The following CRYBG3 variants were observed in gnomAD, a reference collection of about 807,000 sequenced individuals.
CRYBG3 encodes very large A-kinase anchor protein.
Under a neutral mutation model 244.2 loss-of-function variants are expected in CRYBG3, and 127 were observed. That is an observed-to-expected ratio of 0.52 (90% CI 0.45 to 0.60). CRYBG3 has a LOEUF of 0.60. Among genes scored for constraint, CRYBG3 ranks in the 20% least tolerant of loss-of-function variants. The pLI, the probability that CRYBG3 is intolerant of heterozygous loss-of-function variation, is 0.00. For synonymous variants in CRYBG3, 1,132 were observed against 1,195.8 expected, an observed-to-expected ratio of 0.95 and a Z score of 1.10; for missense variants, 3,325 against 3,442.5, an observed-to-expected ratio of 0.97 and a Z score of 0.85.
chr3:97,912,007 C>T (rs1206496957), intron 15 of CRYBG3, among the ~76,000 whole-genome samples, 160 bp from the exon 16 acceptor site: 1 of 152,114 alleles, frequency 6.6e-6, no homozygotes, highest in African/African-American at 2.4e-5. Context: ...GTTTAAGGAG[C>T]ATATCATTAT....
intron 2 of CRYBG3, among the ~76,000 whole-genome samples, chr3:97,861,210 CTG>C (rs2039142411): frequency 6.6e-6 from 1 of 152,138 alleles, no homozygotes; most frequent in Non-Finnish European, 1.5e-5. Flanking sequence ...TTTCAAACTT[CTG>C]TGTCTTTGTG....
intron 17 of CRYBG3, among the ~76,000 whole-genome samples, chr3:97,917,245 C>T (rs2039938227): frequency 6.6e-6 from 1 of 151,768 alleles, no homozygotes. Flanking sequence ...TGAAAATAAA[C>T]AGAGATGTTT....
intron 2 of CRYBG3, among the ~76,000 whole-genome samples, chr3:97,848,448 C>T (rs1320666753): frequency 2.0e-5 from 3 of 151,854 alleles, no homozygotes; most frequent in South Asian, 2.1e-4. Flanking sequence ...ACTACAGGCA[C>T]GTGCCACCAC....
Position 97,874,665 on chromosome 3 carries a change from T to A in CRYBG3, c.3471T>A (p.Val1157=). 1 of 1,535,982 alleles carries A rather than the reference T, an allele frequency of 6.5e-7. No homozygotes were observed. ...DNLVEAETGA[V]AGPAASVNSS... is the part of the protein sequence containing the mutation. ...TCGTGGAAGCAGAGACTGGAGCAGT[T>A]GCTGGGCCTGCAGCGTCAGTTAACA... Residue 1157 remains valine (V), a synonymous_variant, in exon 4 of 22, where the codon GTT becomes GTA. Transcript: ENST00000389622.
intron 3 of CRYBG3, among the ~76,000 whole-genome samples, chr3:97,866,171 A>G (rs2039228498): frequency 6.6e-6 from 1 of 152,168 alleles, no homozygotes; most frequent in African/African-American, 2.4e-5. Flanking sequence ...AAATGATAAT[A>G]CCCTGAGTGA....
chr3:97,907,503 A>G (rs1168595741), intron 15 of CRYBG3, among the ~76,000 whole-genome samples: 2 of 149,686 alleles, frequency 1.3e-5, no homozygotes, highest in African/African-American at 4.9e-5. Flanking sequence ...GAATTTATCC[A>G]TTTCTTCTAG....
intron 1 of CRYBG3, among the ~76,000 whole-genome samples, chr3:97,838,775 T>C (rs2038771493): frequency 6.6e-6 from 1 of 152,152 alleles, no homozygotes; most frequent in South Asian, 2.1e-4. Flanking sequence ...ATAATATCTC[T>C]TAAGTGACAG....
chr3:97,836,229 C>T (rs1282236920), intron 1 of CRYBG3, among the ~76,000 whole-genome samples: 1 of 152,074 alleles, frequency 6.6e-6, no homozygotes, highest in African/African-American at 2.4e-5. Context: ...CTCTCTCCTC[C>T]TGATTTTTCT....
intron 17 of CRYBG3, among the ~76,000 whole-genome samples, chr3:97,924,589 G>A (rs1402369998): frequency 6.6e-6 from 1 of 152,024 alleles, no homozygotes; most frequent in Non-Finnish European, 1.5e-5. Flanking sequence ...CTCTAGGGGA[G>A]AACCCATTTC....
Position 97,872,195 on chromosome 3 carries a change from A to G in CRYBG3, c.1001A>G (p.Asn334Ser). 1 of 1,535,812 alleles carries G rather than the reference A, an allele frequency of 6.5e-7. No homozygotes were observed. Residue 334 changes from asparagine (N) to serine (S), a missense_variant, in exon 4 of 22, where the codon AAT (asparagine) becomes AGT (serine). Asn to Ser is a conservative substitution (Grantham distance 46, BLOSUM62 1). Around this residue, in one of 4 missense-constraint regions of CRYBG3, gnomAD observed 1,526 missense variants for 1,443.2 expected, o/e 1.06. Transcript: ENST00000389622. ...ATTGCCTCTTCCAATAATCTTTTAA[A>G]TAAAAATGCTTGGGGGAGTATTGAG... ...QNIASSNNLL[N>S]KNAWGSIERN...
At chr3:97,828,703 C>G (rs1465024320) in intron 1 of CRYBG3, among the ~76,000 whole-genome samples, 3 of 151,648 alleles carry the variant, frequency 2.0e-5, no homozygotes, top group Non-Finnish European at 4.4e-5. Flanking sequence ...TGGTGCTTGC[C>G]TGTAATCCCA....
In CRYBG3 at chr3:97,943,233, T is replaced by C; in HGVS notation, c.8832T>C (p.Asn2944=). 1 of 1,560,494 alleles carries C rather than the reference T, an allele frequency of 6.4e-7. No individual in the cohort carries two copies. ...DQLVLDVKGG[N]YCDKTHVIVN... ...TTGGAATTTCTATTTTAGGAGGAAA[T>C]TATTGTGACAAGACTCATGTAATTG... The change falls in exon 22 of 22, where the codon AAT becomes AAC. Residue 2944 remains asparagine (N), a synonymous_variant. Transcript: ENST00000389622.
At chr3:97,837,708 A>G (rs967602807) in intron 1 of CRYBG3, among the ~76,000 whole-genome samples, 3 of 152,108 alleles carry the variant, frequency 2.0e-5, no homozygotes, top group African/African-American at 7.2e-5. Flanking sequence ...AAGTGACCTC[A>G]TATTTGGGGG....
intron 15 of CRYBG3, among the ~76,000 whole-genome samples, chr3:97,904,700 A>T (rs532327916): frequency 2.4e-4 from 35 of 143,826 alleles, no homozygotes; most frequent in Admixed American, 1.4e-3. Context: ...TTTTATTTTT[A>T]TTTTTTTTTA....
At chr3:97,915,508 C>T in intron 16 of CRYBG3, 102 bp from the exon 17 acceptor site, 3 of 1,268,670 alleles carry the variant, frequency 2.4e-6, no homozygotes, top group East Asian at 4.9e-5. Flanking sequence ...CTCTGCACCA[C>T]TTTCTATGCC....
intron 3 of CRYBG3, among the ~76,000 whole-genome samples, chr3:97,865,336 G>T (rs920694410): frequency 4.6e-5 from 7 of 152,124 alleles, no homozygotes; most frequent in Non-Finnish European, 8.8e-5. Context: ...ACCTCTGCTG[G>T]AGAATTTATT....
In CRYBG3 at chr3:97,943,529, TATG is replaced by T; in HGVS notation, c.*218_*220del. ...CTCAGTGTTCCTATAAAGAAAATATTATGATATCTTGGAAAGGTTCTATTCCTG... is the reference window on the plus strand; with the variant it reads ...CTCAGTGTTCCTATAAAGAAAATATTATATCTTGGAAAGGTTCTATTCCTG... On this transcript the variant is annotated 3_prime_UTR_variant, in exon 22 of 22. Transcript: ENST00000389622. 4.0e-6 allele frequency: 2 copies of T among 501,112 alleles called. No individual in the cohort carries two copies. Among genetic ancestry groups the T allele is most frequent in the South Asian group, 5.4e-5 (2 of 37,182 alleles). 31.0% of individuals were successfully genotyped at this position (501,112 alleles called of 1,614,324 possible).
At chr3:97,884,648 G>A (rs550076754) in intron 7 of CRYBG3, among the ~76,000 whole-genome samples, 15 of 152,026 alleles carry the variant, frequency 9.9e-5, no homozygotes, top group African/African-American at 2.7e-4. Context: ...GCAGTTGCTC[G>A]TGTTTGACTT....
At chr3:97,845,376 A>AT (rs1263907154) in intron 2 of CRYBG3, among the ~76,000 whole-genome samples, 1 of 152,216 alleles carries the variant, frequency 6.6e-6, no homozygotes, top group Non-Finnish European at 1.5e-5. Context: ...ACATCATTAA[A>AT]TTTTTTATTC....
Sources: allele counts gnomAD v4.1 joint callset (sites outside exome capture counted in the v4.1 genomes callset), GRCh38; gene constraint gnomAD v4.1.1; regional missense constraint gnomAD v4.1.1; transcripts MANE v1.5; gene names NCBI Gene and HGNC (gene_info 2026-07-23, HGNC 2026-07-21).